The following PPP1R14C variants were observed in gnomAD, a reference collection of about 807,000 sequenced individuals.
PPP1R14C encodes the protein protein phosphatase 1 regulatory inhibitor subunit 14C.
A neutral mutation model predicts 20.4 loss-of-function variants in PPP1R14C; 16 were observed. The ratio of observed to expected loss-of-function variants is 0.78; its 90% CI spans 0.53 to 1.19. The LOEUF (loss-of-function observed/expected upper bound fraction) is 1.19, where lower values mean the gene tolerates loss of function less well. Among genes scored for constraint, PPP1R14C ranks in the 50% most tolerant of loss-of-function variants. The probability of loss-of-function intolerance (pLI) is 0.00; values close to 1 mark genes in which losing one functional copy is unlikely to be tolerated. For synonymous variants in PPP1R14C, 91 were observed against 91.0 expected, an observed-to-expected ratio of 1.00 and a Z score of 0.00; for missense variants, 211 against 220.1, an observed-to-expected ratio of 0.96 and a Z score of 0.26.
chr6:150,177,188 C>T (rs1163594054), intron 1 of PPP1R14C, among the ~76,000 whole-genome samples: 1 of 152,186 alleles, frequency 6.6e-6, no homozygotes, highest in Non-Finnish European at 1.5e-5. Flanking sequence ...ACAGATCTTC[C>T]CTGCACCGTG....
intron 1 of PPP1R14C, among the ~76,000 whole-genome samples, chr6:150,145,927 T>G (rs1777175695): frequency 6.6e-6 from 1 of 152,212 alleles, no homozygotes; most frequent in Non-Finnish European, 1.5e-5. Context: ...ACTTGACCTT[T>G]TCAGAATAGA....
In PPP1R14C at chr6:150,170,142, C is replaced by T. The variant is rs11968195; in HGVS notation, c.306+26644C>T. Among the ~76,000 whole-genome samples, 1,343 of 152,206 alleles carry T rather than the reference C, an allele frequency of 8.8e-3. 14 individuals are homozygous for T. The highest frequency in any genetic ancestry group is 0.031 in the African/African-American group (1,287 of 41,510). ...GGAAAAGGAACATAGATTTTACCTT[C>T]TGATGGGAGGAAAGTCAAGTGAGAT... On this transcript the variant is annotated intron_variant, in intron 1 of 3. Coordinates refer to ENST00000361131, the MANE Select transcript of PPP1R14C (RefSeq NM_030949.3).
chr6:150,195,090 AGAG>A (rs1309859315), intron 1 of PPP1R14C: 4 of 984,118 alleles, frequency 4.1e-6, no homozygotes, highest in Non-Finnish European at 3.6e-6. Flanking sequence ...CTCAATTTCA[AGAG>A]GAGGTTACTC....
chr6:150,236,833 G>A (rs1196739580), intron 3 of PPP1R14C, among the ~76,000 whole-genome samples: 2 of 152,278 alleles, frequency 1.3e-5, no homozygotes, highest in East Asian at 3.9e-4. Flanking sequence ...TCAGGCTGTG[G>A]GGAGGAGCGG....
chr6:150,177,306 T>C (rs940678648), intron 1 of PPP1R14C, among the ~76,000 whole-genome samples: 2 of 152,066 alleles, frequency 1.3e-5, no homozygotes, highest in Non-Finnish European at 2.9e-5. Flanking sequence ...AGGGAAAAAA[T>C]GAAGTCATAG....
intron 3 of PPP1R14C, among the ~76,000 whole-genome samples, chr6:150,232,275 G>C (rs763251352): frequency 6.6e-6 from 1 of 151,924 alleles, no homozygotes; most frequent in Non-Finnish European, 1.5e-5. Context: ...TGAGTTGTTG[G>C]TGTTTTTCTT....
intron 1 of PPP1R14C, among the ~76,000 whole-genome samples, chr6:150,184,378 T>C (rs1777654185): frequency 6.6e-6 from 1 of 152,210 alleles, no homozygotes; most frequent in Admixed American, 6.5e-5. Flanking sequence ...GACAGTCATA[T>C]GCTGCACAGG....
intron 1 of PPP1R14C, among the ~76,000 whole-genome samples, chr6:150,208,737 T>C (rs1777984040): frequency 6.6e-6 from 1 of 152,204 alleles, no homozygotes; most frequent in Non-Finnish European, 1.5e-5. Context: ...GAGTCATTTA[T>C]ATATTAAATC....
Position 150,157,344 on chromosome 6 carries a change from C to A in PPP1R14C, c.306+13846C>A, listed in dbSNP as rs115595983. Among the ~76,000 whole-genome samples, 368 of 152,312 alleles carry A rather than the reference C, an allele frequency of 2.4e-3. 2 individuals are homozygous for A. Among genetic ancestry groups the A allele is most frequent in the African/African-American group, 8.0e-3 (334 of 41,552 alleles). On this transcript the variant is annotated intron_variant, in intron 1 of 3. Coordinates refer to ENST00000361131, the MANE Select transcript of PPP1R14C (RefSeq NM_030949.3). ...TCCATGCTTGTGAATGTCTTCCTAA[C>A]TCTAGCCCCACTTTACAAAATCAAA...
chr6:150,188,599 G>A (rs1414053105), intron 1 of PPP1R14C, among the ~76,000 whole-genome samples: 1 of 141,354 alleles, frequency 7.1e-6, no homozygotes, highest in East Asian at 2.1e-4. Context: ...CCATTCTCCT[G>A]CCTCAGCCTC....
At chr6:150,229,815 G>C (rs536548882) in intron 3 of PPP1R14C, among the ~76,000 whole-genome samples, 15 of 152,244 alleles carry the variant, frequency 9.9e-5, no homozygotes, top group Non-Finnish European at 1.9e-4. Flanking sequence ...TGAAAAATAG[G>C]ATCAGTTCTG....
At chr6:150,174,340 C>T (rs753597924) in intron 1 of PPP1R14C, among the ~76,000 whole-genome samples, 16 of 152,070 alleles carry the variant, frequency 1.1e-4, no homozygotes, top group Non-Finnish European at 1.8e-4. Flanking sequence ...CTGCCTCAGC[C>T]TCCTGAGTAG....
In PPP1R14C at chr6:150,143,123, T is replaced by G; in HGVS notation, c.-70T>G. 1 of 1,170,820 alleles carries G rather than the reference T, an allele frequency of 8.5e-7. No individual in the cohort carries two copies. The highest frequency in any genetic ancestry group is 1.0e-6 in the Non-Finnish European group (1 of 952,652). 72.5% of individuals were successfully genotyped at this position (1,170,820 alleles called of 1,614,324 possible). A position where few individuals can be genotyped will look rare whatever the true frequency, so the allele number is the denominator to read the frequency against. ...TCGCATGCGGCTGCCGGGCCGGAGGTGGTAGCGGCGCCGGGCGCGCTCCGC... is the reference window on the plus strand; with the variant it reads ...TCGCATGCGGCTGCCGGGCCGGAGGGGGTAGCGGCGCCGGGCGCGCTCCGC... On this transcript the variant is annotated 5_prime_UTR_variant, in exon 1 of 4. Transcript: ENST00000361131. This position sits in a 1 kb window ranked among gnomAD's most constrained non-coding sequence, Gnocchi z 5.6.
intron 1 of PPP1R14C, among the ~76,000 whole-genome samples, chr6:150,207,812 T>TG (rs1254479992): frequency 2.0e-5 from 3 of 152,224 alleles, no homozygotes; most frequent in Middle Eastern, 3.4e-3. Context: ...AGATAATCAA[T>TG]GTCAGCAGGC....
rs1778541109 is a variant in PPP1R14C at position 150,249,717 on chromosome 6, C to T, written c.*897C>T. 1 of 396,834 alleles carries T rather than the reference C, an allele frequency of 2.5e-6. No homozygotes were observed. 24.6% of individuals were successfully genotyped at this position (396,834 alleles called of 1,614,324 possible). ...CCACCGAGTACTGTGTTTATTCTCT[C>T]TCCAGGAAAGCAGATCAAAAGAAAG... On this transcript the variant is annotated 3_prime_UTR_variant, in exon 4 of 4. Coordinates refer to ENST00000361131, the MANE Select transcript of PPP1R14C (RefSeq NM_030949.3).
chr6:150,202,018 CT>C (rs1444860051), intron 1 of PPP1R14C, among the ~76,000 whole-genome samples: 1 of 152,178 alleles, frequency 6.6e-6, no homozygotes, highest in Non-Finnish European at 1.5e-5. Context: ...GGTTAAATGA[CT>C]TTTTATTTTG....
Position 150,248,735 on chromosome 6 carries a change from ATC to A in PPP1R14C, c.424-7_424-6del. The A allele has an allele frequency of 6.3e-7, 1 of 1,592,086 alleles. No individual in the cohort carries two copies. The highest frequency in any genetic ancestry group is 8.6e-7 in the Non-Finnish European group (1 of 1,161,326). ...GTGACCCTCATATTAACTTCTTCTG[ATC>A]TCTTTTAGGAATTTATCAAAGAGCT... On this transcript the variant is annotated splice_polypyrimidine_tract_variant and intron_variant, in intron 3 of 3. Transcript: ENST00000361131.
At chr6:150,210,166 G>A (rs534425836) in intron 1 of PPP1R14C, among the ~76,000 whole-genome samples, 20 of 152,264 alleles carry the variant, frequency 1.3e-4, no homozygotes, top group African/African-American at 2.2e-4. Flanking sequence ...CAGTGCAGTG[G>A]CAATGCGGAG....
intron 3 of PPP1R14C, among the ~76,000 whole-genome samples, chr6:150,225,520 T>G (rs1034757608): frequency 2.6e-5 from 4 of 152,248 alleles, no homozygotes; most frequent in African/African-American, 9.6e-5. Flanking sequence ...CGGGGGCATT[T>G]GTTTGCTCAG....
Sources: allele counts gnomAD v4.1 joint callset (sites outside exome capture counted in the v4.1 genomes callset), GRCh38; gene constraint gnomAD v4.1.1; non-coding constraint Gnocchi (gnomAD v3.1); transcripts MANE v1.5; gene names NCBI Gene and HGNC (gene_info 2026-07-23, HGNC 2026-07-21).